COMMD10: variants seen among roughly 807,000 people sequenced by gnomAD.
The protein encoded by COMMD10 is COMM domain containing 10.
Under a neutral mutation model 28.9 loss-of-function variants are expected in COMMD10, and 33 were observed. The observed-to-expected ratio is 1.14, with a 90% CI of 0.87 to 1.53. The LOEUF (loss-of-function observed/expected upper bound fraction) is 1.53. Among genes scored for constraint, COMMD10 ranks in the 40% most tolerant of loss-of-function variants. The pLI is 0.00. For missense variants in COMMD10, 310 were observed against 233.4 expected (o/e 1.33, Z -2.14); for synonymous variants, 110 against 81.7 (o/e 1.35, Z -1.87).
intron 5 of COMMD10, among the ~76,000 whole-genome samples, chr5:116,278,627 C>T (rs2112705545): frequency 6.6e-6 from 1 of 151,972 alleles, no homozygotes; most frequent in East Asian, 1.9e-4. Context: ...GAAAATATTT[C>T]ATGCGCTCTC....
At chr5:116,257,359 T>A (rs1750316413) in intron 5 of COMMD10, among the ~76,000 whole-genome samples, 1 of 151,744 alleles carries the variant, frequency 6.6e-6, no homozygotes, top group Non-Finnish European at 1.5e-5. Context: ...GTCTACTGAG[T>A]AAAAGATGGG....
chr5:116,270,284 T>C (rs17139308), intron 5 of COMMD10, among the ~76,000 whole-genome samples: 7,290 of 152,000 alleles, frequency 0.048, 297 homozygotes, highest in African/African-American at 0.092. Flanking sequence ...CTGTTTGTTA[T>C]ATTCATGTAT....
rs899049757 is a variant in COMMD10 at position 116,257,316 on chromosome 5, G to A, written c.511-34201G>A. On this transcript the variant is annotated intron_variant, in intron 5 of 6. Transcript: ENST00000274458. ...TAGGGATGCACAACCTTTACAAAGG[G>A]CCTTTATAGAGATTTTAAATATATA... is the stretch of plus-strand genomic sequence containing the variant. Among the ~76,000 whole-genome samples the A allele has an allele frequency of 5.3e-5, 8 of 151,596 alleles. 1 individual carries two copies. The highest frequency in any genetic ancestry group is 8.8e-5 in the Non-Finnish European group (6 of 67,946).
intron 5 of COMMD10, among the ~76,000 whole-genome samples, chr5:116,190,448 A>G (rs1179290279): frequency 1.3e-5 from 2 of 152,200 alleles, no homozygotes; most frequent in African/African-American, 4.8e-5. Flanking sequence ...ATGTACAGAA[A>G]TTGCTACCAT....
rs1327261299 is a variant in COMMD10, at chr5:116,275,262, G to A, written c.511-16255G>A. 1.3e-5 allele frequency among the ~76,000 whole-genome samples: 2 copies of A among 151,818 alleles called. 1 individual carries two copies. Among genetic ancestry groups the A allele is most frequent in the African/African-American group, 4.9e-5 (2 of 41,192 alleles). ...GTCTGTTGCTTCTATGCTAGTTCAA[G>A]CCACCATCATCACAAATTTAAATTA... On this transcript the variant is annotated intron_variant, in intron 5 of 6. Transcript: ENST00000274458.
chr5:116,224,750 A>T (rs534223669), intron 5 of COMMD10, among the ~76,000 whole-genome samples: 9 of 152,250 alleles, frequency 5.9e-5, no homozygotes, highest in African/African-American at 2.2e-4. Flanking sequence ...GGGACAAAAC[A>T]TTCAAACCGT....
intron 5 of COMMD10, among the ~76,000 whole-genome samples, chr5:116,220,441 T>C (rs1209086862): frequency 6.6e-6 from 1 of 152,106 alleles, no homozygotes; most frequent in African/African-American, 2.4e-5. Flanking sequence ...TTTTTTTCTT[T>C]GGAAGAGGTG....
chr5:116,221,152 A>G (rs890612439), intron 5 of COMMD10, among the ~76,000 whole-genome samples: 3 of 149,516 alleles, frequency 2.0e-5, no homozygotes, highest in Non-Finnish European at 4.4e-5. Context: ...GGTCCTGCAT[A>G]CCAGTGAAAC....
In COMMD10 at chr5:116,261,357, G is replaced by A. The variant is rs936693114; in HGVS notation, c.511-30160G>A. Among the ~76,000 whole-genome samples, 8 of 151,784 alleles carry A rather than the reference G, an allele frequency of 5.3e-5. No individual in the cohort carries two copies. The East Asian group carries it at 7.7e-4, about 15-fold the overall frequency. On this transcript the variant is annotated intron_variant, in intron 5 of 6. Coordinates refer to ENST00000274458, the MANE Select transcript of COMMD10 (RefSeq NM_016144.4). Reference sequence around the variant, plus strand: ...TTAAGGTTTCCTAATCTTGCCTAGCGTAATGACTGAGTTTTATGGGTATTT... The same window carrying A: ...TTAAGGTTTCCTAATCTTGCCTAGCATAATGACTGAGTTTTATGGGTATTT...
At chr5:116,235,277 T>C (rs1002331918) in intron 5 of COMMD10, among the ~76,000 whole-genome samples, 1 of 152,222 alleles carries the variant, frequency 6.6e-6, no homozygotes, top group African/African-American at 2.4e-5. Flanking sequence ...TTTTTGGTCC[T>C]ACAGGATTCA....
rs140756065 is a variant in COMMD10, at chr5:116,179,283, A to G, written c.510+45105A>G. ...TGGGAGTTAAATAATTTTAAAACAG[A>G]TTTTAGGAATAATCTAATATCTCAT... On this transcript the variant is annotated intron_variant, in intron 5 of 6. Transcript: ENST00000274458. Among the ~76,000 whole-genome samples the G allele has an allele frequency of 2.0e-3, 312 of 152,248 alleles. 4 individuals carry two copies. The highest frequency in any genetic ancestry group is 7.1e-3 in the African/African-American group (294 of 41,560).
intron 5 of COMMD10, among the ~76,000 whole-genome samples, chr5:116,241,664 G>C (rs906396543): frequency 1.3e-5 from 2 of 151,500 alleles, no homozygotes; most frequent in Admixed American, 6.6e-5. Flanking sequence ...CCAGGCTGGA[G>C]TGCAGTGGCG....
chr5:116,248,220 C>G (rs1233140425), intron 5 of COMMD10, among the ~76,000 whole-genome samples: 1 of 151,722 alleles, frequency 6.6e-6, no homozygotes, highest in Non-Finnish European at 1.5e-5. Context: ...AGTCATCCTT[C>G]TATGACCTTG....
At chr5:116,191,360 C>G (rs912350223) in intron 5 of COMMD10, among the ~76,000 whole-genome samples, 2 of 151,818 alleles carry the variant, frequency 1.3e-5, no homozygotes, top group African/African-American at 4.8e-5. Context: ...GAATGAAGCC[C>G]TATTCTTTTG....
At chr5:116,157,308 T>C (rs1425999007) in intron 5 of COMMD10, among the ~76,000 whole-genome samples, 2 of 152,292 alleles carry the variant, frequency 1.3e-5, no homozygotes, top group East Asian at 1.9e-4. Context: ...TTTCAAAATG[T>C]AGTGGTTTAA....
chr5:116,289,377 T>C (rs754520609), intron 5 of COMMD10, among the ~76,000 whole-genome samples: 2 of 151,836 alleles, frequency 1.3e-5, no homozygotes, highest in African/African-American at 2.4e-5. Context: ...CCCTAGTCTT[T>C]GCATACTGGC....
At chr5:116,148,049 A>T (rs767437923) in intron 5 of COMMD10, among the ~76,000 whole-genome samples, 1 of 151,764 alleles carries the variant, frequency 6.6e-6, no homozygotes, top group Non-Finnish European at 1.5e-5. Flanking sequence ...TGGTAAATAT[A>T]ATTTATTTAT....
chr5:116,241,909 G>A (rs1426157650), intron 5 of COMMD10, among the ~76,000 whole-genome samples: 1 of 152,060 alleles, frequency 6.6e-6, no homozygotes, highest in Admixed American at 6.6e-5. Flanking sequence ...GAGCCACCAC[G>A]CCCAGCCAAT....
intron 5 of COMMD10, among the ~76,000 whole-genome samples, chr5:116,206,977 A>G (rs766585961): frequency 3.8e-5 from 5 of 132,456 alleles, no homozygotes; most frequent in Non-Finnish European, 6.0e-5. Context: ...TCAAAGATAC[A>G]TTCTAATTTT....
Sources: allele counts gnomAD v4.1 joint callset (sites outside exome capture counted in the v4.1 genomes callset), GRCh38; gene constraint gnomAD v4.1.1; transcripts MANE v1.5; gene names NCBI Gene and HGNC (gene_info 2026-07-23, HGNC 2026-07-21).